NKAIN2: variants seen among roughly 807,000 people sequenced by gnomAD.
NKAIN2 encodes sodium/potassium-transporting ATPase subunit beta-1-interacting protein 2.
Under a neutral mutation model 32.6 loss-of-function variants are expected in NKAIN2, and 14 were observed. The ratio of observed to expected loss-of-function variants is 0.43; its 90% CI spans 0.28 to 0.67. The LOEUF (loss-of-function observed/expected upper bound fraction) is 0.67. Among genes scored for constraint, NKAIN2 ranks in the 30% least tolerant of loss-of-function variants. The probability of loss-of-function intolerance (pLI) is 0.17; values close to 1 mark genes in which losing one functional copy is unlikely to be tolerated. For synonymous variants in NKAIN2, 80 were observed against 87.2 expected, an observed-to-expected ratio of 0.92 and a Z score of 0.46; for missense variants, 198 against 258.3, an observed-to-expected ratio of 0.77 and a Z score of 1.60.
chr6:124,533,553 T>TTCCACC (rs1490082220), intron 3 of NKAIN2, among the ~76,000 whole-genome samples: 1 of 151,864 alleles, frequency 6.6e-6, no homozygotes, highest in Admixed American at 6.6e-5. Flanking sequence ...TTATGTCCTC[T>TTCCACC]TCCACCTCTC....
intron 3 of NKAIN2, among the ~76,000 whole-genome samples, chr6:124,635,096 G>A (rs552053298): frequency 2.6e-5 from 4 of 151,702 alleles, no homozygotes; most frequent in Non-Finnish European, 5.9e-5. Flanking sequence ...GAAAGAGAAA[G>A]AAAGAGAAAG....
At chr6:124,409,004 T>C (rs1774012461) in intron 3 of NKAIN2, among the ~76,000 whole-genome samples, 1 of 152,206 alleles carries the variant, frequency 6.6e-6, no homozygotes, top group Non-Finnish European at 1.5e-5. Context: ...TGTCTGTTAT[T>C]GGTGTATAAG....
In NKAIN2 at chr6:124,563,812, C is replaced by T. The variant is rs529940000; in HGVS notation, c.274-94374C>T. 2.0e-5 allele frequency among the ~76,000 whole-genome samples: 3 copies of T among 152,188 alleles called. No individual in the cohort carries two copies. The East Asian group carries it at 5.8e-4, about 29-fold the overall frequency. ...CAGCCTCCGGAGTAGCTGGGAGTAT[C>T]TCCAAAGTGGTGTCTCCCCGAGGGA... On this transcript the variant is annotated intron_variant, in intron 3 of 6. Transcript: ENST00000368417.
chr6:123,900,544 T>TTTTTTTTG (rs1774525412), intron 1 of NKAIN2, among the ~76,000 whole-genome samples: 1 of 97,388 alleles, frequency 1.0e-5, no homozygotes, highest in Non-Finnish European at 1.8e-5. Context: ...TTTTTTTTTT[T>TTTTTTTTG]TTTTTTTTTT....
chr6:124,395,960 T>C (rs1285286850), intron 3 of NKAIN2, among the ~76,000 whole-genome samples: 2 of 152,194 alleles, frequency 1.3e-5, no homozygotes, highest in Non-Finnish European at 2.9e-5. Flanking sequence ...GAGTGACCAC[T>C]GTGTGCTAAG....
chr6:123,856,681 A>G (rs1284624866), intron 1 of NKAIN2, among the ~76,000 whole-genome samples: 1 of 152,132 alleles, frequency 6.6e-6, no homozygotes, highest in East Asian at 1.9e-4. Flanking sequence ...TCTGTTGACC[A>G]CCTATATCTG....
intron 3 of NKAIN2, among the ~76,000 whole-genome samples, chr6:124,395,746 G>C (rs1281598550): frequency 1.3e-5 from 2 of 152,076 alleles, no homozygotes; most frequent in Non-Finnish European, 2.9e-5. Flanking sequence ...TTCATAAATA[G>C]AATGGCAATG....
chr6:123,887,593 C>T (rs956493372), intron 1 of NKAIN2, among the ~76,000 whole-genome samples: 2 of 152,114 alleles, frequency 1.3e-5, no homozygotes, highest in African/African-American at 4.8e-5. Flanking sequence ...CACCCTGTTG[C>T]TCATGCTCTC....
At chr6:124,323,487 G>T (rs1261353750) in intron 2 of NKAIN2, among the ~76,000 whole-genome samples, 1 of 152,100 alleles carries the variant, frequency 6.6e-6, no homozygotes, top group Non-Finnish European at 1.5e-5. Context: ...TACAGTTTAG[G>T]TCAAGGCTCA....
At chr6:124,659,110 GC>G (rs1784651142) in intron 4 of NKAIN2, among the ~76,000 whole-genome samples, 1 of 152,024 alleles carries the variant, frequency 6.6e-6, no homozygotes, top group South Asian at 2.1e-4. Context: ...TCTCAAGAAG[GC>G]CAACTGCATA....
chr6:123,828,851 A>G (rs1440024868), intron 1 of NKAIN2: 2 of 152,170 alleles, frequency 1.3e-5, no homozygotes, highest in Non-Finnish European at 2.9e-5. Flanking sequence ...GTTTCAGCTT[A>G]AAGGTCTTCT....
chr6:124,040,265 A>G (rs1215823863), intron 1 of NKAIN2, among the ~76,000 whole-genome samples: 1 of 151,816 alleles, frequency 6.6e-6, no homozygotes, highest in African/African-American at 2.4e-5. Context: ...AGATTTTGTT[A>G]TAGTTTTCTT....
chr6:124,282,714 T>G (rs1268432503), intron 1 of NKAIN2, among the ~76,000 whole-genome samples: 1 of 152,216 alleles, frequency 6.6e-6, no homozygotes, highest in African/African-American at 2.4e-5. Flanking sequence ...ACAGTGCACA[T>G]GACAATATAA....
At chr6:124,573,066 C>T (rs1701009835) in intron 3 of NKAIN2, among the ~76,000 whole-genome samples, 1 of 152,178 alleles carries the variant, frequency 6.6e-6, no homozygotes, top group Non-Finnish European at 1.5e-5. Flanking sequence ...TCTCAAACTC[C>T]TGACCTCAGG....
chr6:124,260,584 A>G (rs1278418053), intron 1 of NKAIN2, among the ~76,000 whole-genome samples: 1 of 152,140 alleles, frequency 6.6e-6, no homozygotes, highest in Non-Finnish European at 1.5e-5. Flanking sequence ...CAGGAGAGGT[A>G]CAGGAGAGAA....
chr6:124,452,474 AATTATC>A (rs1189936244), intron 3 of NKAIN2, among the ~76,000 whole-genome samples: 1 of 152,100 alleles, frequency 6.6e-6, no homozygotes, highest in Non-Finnish European at 1.5e-5. Flanking sequence ...TAGTGCAGTT[AATTATC>A]ATTATAATTT....
intron 3 of NKAIN2, among the ~76,000 whole-genome samples, chr6:124,552,135 T>C (rs952177130): frequency 2.6e-5 from 4 of 152,208 alleles, no homozygotes; most frequent in African/African-American, 9.7e-5. Context: ...AAGACATTCC[T>C]TGACATGCAG....
intron 3 of NKAIN2, among the ~76,000 whole-genome samples, chr6:124,655,331 A>C (rs1017300495): frequency 3.3e-5 from 5 of 152,040 alleles, no homozygotes; most frequent in African/African-American, 1.2e-4. Context: ...CTCACTAGCT[A>C]TCATCTCCAT....
intron 1 of NKAIN2, among the ~76,000 whole-genome samples, chr6:123,951,150 C>A (rs919719218): frequency 6.6e-6 from 1 of 151,826 alleles, no homozygotes; most frequent in Non-Finnish European, 1.5e-5. Context: ...ATTTTTTAAA[C>A]ATTTGTTAAG....
Sources: gnomAD v4.1 joint callset for allele counts (sites outside exome capture counted in the v4.1 genomes callset) on GRCh38, gnomAD v4.1.1 for gene constraint, MANE v1.5 for transcripts, NCBI Gene and HGNC (gene_info 2026-07-23, HGNC 2026-07-21) for gene names.